The following ENPP2 variants were observed in gnomAD, a reference collection of about 807,000 sequenced individuals.
The protein encoded by ENPP2 is ectonucleotide pyrophosphatase/phosphodiesterase 2.
In ENPP2, 51 loss-of-function variants were observed where a neutral mutation model predicts 120.2. The ratio of observed to expected loss-of-function variants is 0.42; its 90% CI spans 0.34 to 0.54. The LOEUF is 0.54. ENPP2 is among the 20% of genes least tolerant of loss of function. The probability of loss-of-function intolerance (pLI) is 0.04; values close to 1 mark genes in which losing one functional copy is unlikely to be tolerated. For missense variants in ENPP2, 920 were observed against 1,066.5 expected (o/e 0.86, Z 1.91); for synonymous variants, 365 against 366.4 (o/e 1.00, Z 0.04).
At chr8:119,656,992 A>G (rs538913074) in intron 1 of ENPP2, among the ~76,000 whole-genome samples, 1 of 152,286 alleles carries the variant, frequency 6.6e-6, no homozygotes, top group Admixed American at 6.5e-5. Flanking sequence ...CAATGGCACT[A>G]TCTTGGCTCA....
At chr8:119,673,205 G>A (rs1818304838) in intron 1 of ENPP2, 1 of 1,467,434 alleles carries the variant, frequency 6.8e-7, no homozygotes, top group Admixed American at 2.0e-5. Context: ...GCTGTGACCT[G>A]GGAGCCCAAG....
chr8:119,643,166 C>T (rs986561230), upstream of ENPP2, among the ~76,000 whole-genome samples: 13 of 152,092 alleles, frequency 8.5e-5, no homozygotes, highest in African/African-American at 3.1e-4. Flanking sequence ...AGTCTGTTGT[C>T]CTGTTTTTAA....
At chr8:119,591,275 T>C (rs1412593210) in intron 12 of ENPP2, among the ~76,000 whole-genome samples, 1 of 152,176 alleles carries the variant, frequency 6.6e-6, no homozygotes, top group Admixed American at 6.5e-5. Flanking sequence ...GAAAACAAGT[T>C]GTAAACAATG....
At chr8:119,584,612 C>A (rs370466763) in intron 15 of ENPP2, among the ~76,000 whole-genome samples, 2 of 152,194 alleles carry the variant, frequency 1.3e-5, no homozygotes, top group African/African-American at 4.8e-5. Flanking sequence ...AACTAGAGTA[C>A]AACTAAGCAG....
rs1815549654 is a variant in ENPP2, at chr8:119,617,520, G to A, written c.523C>T (p.Arg175Cys). The part of the protein sequence containing the change: ...PLIIFSVDGF[R>C]ASYMKKGSKV... ...CTGCCTTTCTTCATGTATGATGCAC[G>A]GAAGCCATCCACGGAGAAGATGATT... The change falls in exon 6 of 25, where the codon CGT (arginine) becomes TGT (cysteine). Residue 175 changes from arginine to cysteine, a missense_variant. By Grantham distance (180) the Arg-to-Cys change is radical. Transcript: ENST00000075322. The A allele has an allele frequency of 6.2e-6, 10 of 1,613,584 alleles. No individual in the cohort carries two copies. The highest frequency in any genetic ancestry group is 1.7e-4 in the Middle Eastern group (1 of 6,060).
chr8:119,577,999 C>T (rs1411675207), intron 19 of ENPP2, among the ~76,000 whole-genome samples: 1 of 152,054 alleles, frequency 6.6e-6, no homozygotes, highest in East Asian at 1.9e-4. Context: ...GAAGATGTGT[C>T]TTATTTTTAT....
At chr8:119,559,717 T>C (rs1344011738) in intron 24 of ENPP2, among the ~76,000 whole-genome samples, 1 of 152,156 alleles carries the variant, frequency 6.6e-6, no homozygotes, top group Non-Finnish European at 1.5e-5. Context: ...ACTTTAAAAA[T>C]AAAGCACTTA....
At chr8:119,636,371 G>A (rs904722424) in intron 2 of ENPP2, among the ~76,000 whole-genome samples, 3 of 152,114 alleles carry the variant, frequency 2.0e-5, no homozygotes, top group Non-Finnish European at 2.9e-5. Flanking sequence ...TTCCTAAAAA[G>A]CACATAAGCT....
At chr8:119,643,532 T>G (rs1008179607), upstream of ENPP2, among the ~76,000 whole-genome samples, 1 of 152,190 alleles carries the variant, frequency 6.6e-6, no homozygotes, top group Non-Finnish European at 1.5e-5. Context: ...TGGCATAAAT[T>G]TTATGCATTA....
chr8:119,668,939 C>A (rs954217194), intron 1 of ENPP2, among the ~76,000 whole-genome samples: 1 of 152,154 alleles, frequency 6.6e-6, no homozygotes, highest in Non-Finnish European at 1.5e-5. Flanking sequence ...TACACACATA[C>A]CTAGTAATTT....
chr8:119,617,052 A>C, intron 7 of ENPP2, 112 bp downstream of exon 7: 4 of 712,800 alleles, frequency 5.6e-6, no homozygotes, highest in Non-Finnish European at 9.8e-6. Flanking sequence ...GGAAAACAGA[A>C]AGATTTTCTT....
intron 3 of ENPP2, 110 bp downstream of exon 3, chr8:119,626,455 A>G (rs571707072): frequency 1.4e-6 from 1 of 737,864 alleles, no homozygotes; most frequent in South Asian, 1.9e-5. Flanking sequence ...CAAAACTAGA[A>G]TCCACAGTTT....
At chr8:119,669,188 G>A (rs1818168694) in intron 1 of ENPP2, among the ~76,000 whole-genome samples, 1 of 152,154 alleles carries the variant, frequency 6.6e-6, no homozygotes, top group Non-Finnish European at 1.5e-5. Flanking sequence ...ACATTCACAT[G>A]TCAATCCATC....
chr8:119,662,469 A>T (rs936890172), intron 1 of ENPP2, among the ~76,000 whole-genome samples: 2 of 152,078 alleles, frequency 1.3e-5, no homozygotes, highest in African/African-American at 4.8e-5. Flanking sequence ...TCCTCTGCCC[A>T]CACCAGACCT....
intron 23 of ENPP2, 103 bp downstream of exon 23, chr8:119,564,718 CTT>C: frequency 1.3e-6 from 1 of 760,026 alleles, no homozygotes; most frequent in Middle Eastern, 3.8e-4. Context: ...ATTCAAAAAA[CTT>C]AAGGGGTGTC....
intron 6 of ENPP2, 96 bp from the exon 7 acceptor site, chr8:119,617,339 C>T (rs1431394828): frequency 9.4e-6 from 11 of 1,168,942 alleles, no homozygotes; most frequent in Non-Finnish European, 1.4e-5. Context: ...GTTACCTTCA[C>T]TTCTGTATTT....
intron 1 of ENPP2, among the ~76,000 whole-genome samples, chr8:119,644,991 G>T (rs1321386150): frequency 4.6e-5 from 7 of 152,010 alleles, no homozygotes; most frequent in Non-Finnish European, 8.8e-5. Context: ...ACACAAATGA[G>T]TGACAGGATA....
intron 1 of ENPP2, chr8:119,673,132 A>G (rs1018665363): frequency 1.2e-6 from 1 of 825,276 alleles, no homozygotes; most frequent in Non-Finnish European, 2.0e-6. Flanking sequence ...ACAGCCCAAC[A>G]GGGACTGCTT....
At chr8:119,565,087 T>A (rs756409278) in intron 22 of ENPP2, 132 bp from the exon 23 acceptor site, 15 of 681,836 alleles carry the variant, frequency 2.2e-5, no homozygotes, top group Non-Finnish European at 3.7e-5. Flanking sequence ...TCGTGATTCA[T>A]GAGATGAATC....
Sources: gnomAD v4.1 joint callset for allele counts (sites outside exome capture counted in the v4.1 genomes callset) on GRCh38, gnomAD v4.1.1 for gene constraint, MANE v1.5 for transcripts, NCBI Gene and HGNC (gene_info 2026-07-23, HGNC 2026-07-21) for gene names.